GPC3: variants seen among roughly 807,000 people sequenced by gnomAD.
The protein encoded by GPC3 is glypican 3, also known as glypican-3.
Under a neutral mutation model 34.4 loss-of-function variants are expected in GPC3, and 3 were observed. That is an observed-to-expected ratio of 0.09 (90% CI 0.04 to 0.23). The LOEUF (loss-of-function observed/expected upper bound fraction) is 0.23. Ranked by LOEUF, GPC3 falls within the 10% of genes least tolerant of loss-of-function variation. The probability of loss-of-function intolerance (pLI) is 1.00; values close to 1 mark genes in which losing one functional copy is unlikely to be tolerated. For synonymous variants in GPC3, 177 were observed against 174.0 expected (o/e 1.02, Z -0.13); for missense variants, 351 against 445.6 (o/e 0.79, Z 1.91).
chrX:133,978,125 G>C (rs941299588), intron 1 of GPC3, among the ~76,000 whole-genome samples: 4 of 111,553 alleles, frequency 3.6e-5, no homozygotes, highest in African/African-American at 9.8e-5. Context: ...TAGAGATGGG[G>C]TTTCCCCATG....
intron 7 of GPC3, among the ~76,000 whole-genome samples, chrX:133,586,218 C>T (rs1242080405): frequency 9.0e-6 from 1 of 111,713 alleles, no homozygotes; most frequent in Admixed American, 9.5e-5. Flanking sequence ...AATTCCCTAG[C>T]CAACATTAAA....
chrX:133,622,450 T>C (rs1224737662), intron 6 of GPC3, among the ~76,000 whole-genome samples: 3 of 111,853 alleles, frequency 2.7e-5, no homozygotes, highest in African/African-American at 9.7e-5. Flanking sequence ...ATAAACAGTG[T>C]AGAGAAGCAC....
chrX:133,814,734 A>T (rs1432266744), intron 2 of GPC3, among the ~76,000 whole-genome samples: 1 of 109,843 alleles, frequency 9.1e-6, no homozygotes. Context: ...CGCCCAGCTA[A>T]TTTTTGTATT....
chrX:133,736,178 T>C (rs940565298), intron 3 of GPC3, among the ~76,000 whole-genome samples: 2 of 111,695 alleles, frequency 1.8e-5, no homozygotes, highest in Non-Finnish European at 3.8e-5. Flanking sequence ...TACAATGAGA[T>C]ACCACTTAAA....
chrX:133,675,639 C>T (rs1259138230), intron 5 of GPC3, among the ~76,000 whole-genome samples: 1 of 111,981 alleles, frequency 8.9e-6, no homozygotes, highest in Non-Finnish European at 1.9e-5. Context: ...TCTGCCTAAC[C>T]CTTGTCAACC....
In GPC3 at chrX:133,559,758, C is replaced by T. The variant is rs184399496; in HGVS notation, c.1574-23465G>A. Among the ~76,000 whole-genome samples the T allele has an allele frequency of 1.1e-3, 127 of 111,980 alleles. 1 individual carries two copies. Among genetic ancestry groups the T allele is most frequent in the African/African-American group, 3.9e-3 (121 of 30,858 alleles). On this transcript the variant is annotated intron_variant, in intron 7 of 7. Coordinates refer to ENST00000370818, the MANE Select transcript of GPC3 (RefSeq NM_004484.4). Reference sequence around the variant, plus strand: ...AATAATACTTGTAAACTTTAACGTGCTCCTCAAGCGTAAGATGTTATTTTT... The same window carrying T: ...AATAATACTTGTAAACTTTAACGTGTTCCTCAAGCGTAAGATGTTATTTTT...
intron 2 of GPC3, among the ~76,000 whole-genome samples, chrX:133,806,065 A>T (rs2075633923): frequency 8.9e-6 from 1 of 112,257 alleles, no homozygotes; most frequent in African/African-American, 3.2e-5. Context: ...AAGGAAAGTA[A>T]ATTACTTCAT....
chrX:133,540,836 C>A (rs1159529507), intron 7 of GPC3, among the ~76,000 whole-genome samples: 1 of 110,148 alleles, frequency 9.1e-6, no homozygotes, highest in Non-Finnish European at 1.9e-5. Flanking sequence ...TCACCAAGCT[C>A]AGAGAATGTC....
At chrX:133,693,354 T>C (rs1161199718) in intron 4 of GPC3, among the ~76,000 whole-genome samples, 1 of 111,174 alleles carries the variant, frequency 9.0e-6, no homozygotes, top group Non-Finnish European at 1.9e-5. Flanking sequence ...TGCCTTAGAC[T>C]GGAGAGAAGT....
chrX:133,671,482 G>C, intron 5 of GPC3: 1 of 432,610 alleles, frequency 2.3e-6, no homozygotes, highest in Non-Finnish European at 4.0e-6. Context: ...TTTCATAATT[G>C]TTTGCATAGC....
rs778169491 is a variant in GPC3, at chrX:133,726,808, AC to A, written c.1032+26673del. Among the ~76,000 whole-genome samples, 3 of 112,251 alleles carry A rather than the reference AC, an allele frequency of 2.7e-5. No individual in the cohort carries two copies. In the East Asian group the frequency reaches 8.5e-4, roughly 32 times the overall value. On this transcript the variant is annotated intron_variant, in intron 3 of 7. Transcript: ENST00000370818. ...CACTGGCCACTGTAAAAGCTGGAGC[AC>A]CCATGTGCTCTTCCTATCAGGAAAC...
chrX:133,907,193 T>C (rs2076172612), intron 2 of GPC3, among the ~76,000 whole-genome samples: 1 of 111,979 alleles, frequency 8.9e-6, no homozygotes, highest in Admixed American at 9.5e-5. Context: ...TACATATATG[T>C]TTTAAATTAA....
chrX:133,632,099 T>A lies in GPC3; in HGVS notation c.1413+29631A>T, dbSNP rs183684162. ...CAGTTAACATTTACCACTTTAAAAA[T>A]TTTTTAAAAAATTTTTTTGAGACAG... On this transcript the variant is annotated intron_variant, in intron 6 of 7. Transcript: ENST00000370818. Among the ~76,000 whole-genome samples, 198 of 110,014 alleles carry A rather than the reference T, an allele frequency of 1.8e-3. 3 individuals are homozygous for A. In the East Asian group the frequency reaches 0.042, roughly 24 times the overall value.
chrX:133,955,068 TG>T (rs1456459584), intron 1 of GPC3, among the ~76,000 whole-genome samples: 1 of 111,113 alleles, frequency 9.0e-6, no homozygotes, highest in Admixed American at 9.6e-5. Flanking sequence ...TAGCATTTGT[TG>T]ATCTCCTTCT....
chrX:133,889,819 G>A (rs2076077802), intron 2 of GPC3, among the ~76,000 whole-genome samples: 1 of 92,052 alleles, frequency 1.1e-5, no homozygotes, highest in South Asian at 5.5e-4. Context: ...TATTACCTAC[G>A]ATTCTAGCCT....
intron 2 of GPC3, among the ~76,000 whole-genome samples, chrX:133,949,168 C>G (rs1219582173): frequency 1.8e-5 from 2 of 112,138 alleles, no homozygotes; most frequent in Non-Finnish European, 3.8e-5. Context: ...GACTCCAAGT[C>G]CAGTGTTTCT....
intron 7 of GPC3, among the ~76,000 whole-genome samples, chrX:133,592,344 G>A (rs1034029263): frequency 1.1e-5 from 1 of 87,690 alleles, no homozygotes; most frequent in Non-Finnish European, 2.1e-5. Context: ...AAGTGTTCTC[G>A]TTGTTCAATT....
chrX:133,684,638 T>C (rs1401592956), intron 5 of GPC3, among the ~76,000 whole-genome samples: 1 of 111,213 alleles, frequency 9.0e-6, no homozygotes, highest in Admixed American at 9.6e-5. Context: ...TCCCCATTGA[T>C]GTTTGCATTG....
chrX:133,863,648 CTTTTTT>C (rs1165193952), intron 2 of GPC3, among the ~76,000 whole-genome samples: 3 of 72,896 alleles, frequency 4.1e-5, no homozygotes, highest in Admixed American at 1.3e-4. Context: ...AAAAATATTC[CTTTTTT>C]TTTTTTTTTT....
Sources: allele counts gnomAD v4.1 joint callset (sites outside exome capture counted in the v4.1 genomes callset), GRCh38; gene constraint gnomAD v4.1.1; transcripts MANE v1.5; gene names NCBI Gene and HGNC (gene_info 2026-07-23, HGNC 2026-07-21).